Variants in CA10 observed in about 807,000 individuals in gnomAD.
CA10 encodes carbonic anhydrase 10 (inactive).
A neutral mutation model predicts 44.2 loss-of-function variants in CA10; 14 were observed. The ratio of observed to expected loss-of-function variants is 0.32; its 90% CI spans 0.21 to 0.50. The LOEUF (loss-of-function observed/expected upper bound fraction) is 0.50. Ranked by LOEUF, CA10 falls within the 20% of genes least tolerant of loss-of-function variation. The probability of loss-of-function intolerance (pLI) is 0.99; values close to 1 mark genes in which losing one functional copy is unlikely to be tolerated. For synonymous variants in CA10, 159 were observed against 141.6 expected, an observed-to-expected ratio of 1.12 and a Z score of -0.87; for missense variants, 350 against 409.7, an observed-to-expected ratio of 0.85 and a Z score of 1.26.
intron 3 of CA10, among the ~76,000 whole-genome samples, chr17:51,889,116 T>C (rs1266986925): frequency 2.6e-5 from 4 of 152,146 alleles, no homozygotes. Context: ...GTCCCACAAG[T>C]GGGCATTTCA....
intron 3 of CA10, among the ~76,000 whole-genome samples, chr17:51,821,030 TCCC>T (rs1907764987): frequency 6.9e-5 from 1 of 14,580 alleles, no homozygotes; most frequent in African/African-American, 1.7e-4. Context: ...AATTCCTCCC[TCCC>T]TCCCTCCCTC....
At chr17:52,085,400 G>A (rs545625931) in intron 1 of CA10, among the ~76,000 whole-genome samples, 4 of 152,268 alleles carry the variant, frequency 2.6e-5, no homozygotes, top group South Asian at 2.1e-4. Context: ...TCACTTTTGA[G>A]GGGTAGTGAA....
chr17:51,820,207 C>T (rs1278531460), intron 3 of CA10, among the ~76,000 whole-genome samples: 2 of 124,382 alleles, frequency 1.6e-5, no homozygotes. Context: ...CCAGGTAATA[C>T]CCCCTTCAAC....
chr17:51,856,141 G>T (rs1330309929), intron 3 of CA10, among the ~76,000 whole-genome samples: 1 of 152,156 alleles, frequency 6.6e-6, no homozygotes, highest in Non-Finnish European at 1.5e-5. Context: ...GGACAATCCT[G>T]TCTCTTTGCT....
chr17:51,755,060 CAA>C (rs1410768054), intron 3 of CA10, among the ~76,000 whole-genome samples: 2 of 152,044 alleles, frequency 1.3e-5, no homozygotes, highest in African/African-American at 4.8e-5. Flanking sequence ...GTCAGCTACA[CAA>C]AGACTGTTTT....
chr17:52,061,233 G>T (rs1469592893), intron 2 of CA10, among the ~76,000 whole-genome samples: 1 of 152,096 alleles, frequency 6.6e-6, no homozygotes, highest in African/African-American at 2.4e-5. Context: ...ATTCTGAAAA[G>T]TGGGAGGCAG....
chr17:51,926,189 G>A (rs1358582777), intron 3 of CA10, among the ~76,000 whole-genome samples: 1 of 152,124 alleles, frequency 6.6e-6, no homozygotes, highest in Non-Finnish European at 1.5e-5. Context: ...GATACTGAGA[G>A]TGGAGAGGAA....
rs899572569 is a variant in CA10, at chr17:51,630,943, A to C, written c.*641T>G. The C allele has an allele frequency of 6.5e-6, 1 of 153,112 alleles. No homozygotes were observed. The highest frequency in any genetic ancestry group is 2.4e-5 in the African/African-American group (1 of 41,464). 9.5% of individuals were successfully genotyped at this position (153,112 alleles called of 1,614,324 possible). A position where few individuals can be genotyped will look rare whatever the true frequency, so the allele number is the denominator to read the frequency against. ...TTCCTTATAGTCTGTGGTGATATAT[A>C]TACAATGTGTAGCTCTTCAATGTCT... On this transcript the variant is annotated 3_prime_UTR_variant, in exon 9 of 9. Transcript: ENST00000451037.
chr17:52,101,272 T>C (rs1345149880), intron 1 of CA10, among the ~76,000 whole-genome samples: 1 of 152,226 alleles, frequency 6.6e-6, no homozygotes, highest in South Asian at 2.1e-4. Flanking sequence ...CTTTTATTCA[T>C]GAGCATGTAC....
intron 3 of CA10, among the ~76,000 whole-genome samples, chr17:51,774,434 T>C (rs1163183783): frequency 6.9e-6 from 1 of 145,086 alleles, no homozygotes; most frequent in Non-Finnish European, 1.5e-5. Context: ...AAACCTTGCT[T>C]CATTTAAGGT....
intron 2 of CA10, among the ~76,000 whole-genome samples, chr17:52,068,073 G>C (rs1186388371): frequency 6.6e-6 from 1 of 152,196 alleles, no homozygotes; most frequent in East Asian, 1.9e-4. Context: ...GATTGGGAGG[G>C]ACCCAAAGTG....
chr17:51,931,987 C>G (rs1197214707), intron 2 of CA10, among the ~76,000 whole-genome samples: 1 of 152,114 alleles, frequency 6.6e-6, no homozygotes, highest in African/African-American at 2.4e-5. Flanking sequence ...GTACTTCCAT[C>G]GAGTCTCTGG....
chr17:51,824,078 T>C (rs1007566701), intron 3 of CA10, among the ~76,000 whole-genome samples: 1 of 128,216 alleles, frequency 7.8e-6, no homozygotes, highest in Admixed American at 7.3e-5. Context: ...ACAATAGAGA[T>C]GTTTTGTTTT....
chr17:51,635,251 G>A (rs1037192909), intron 7 of CA10, among the ~76,000 whole-genome samples: 3 of 152,010 alleles, frequency 2.0e-5, no homozygotes, highest in Non-Finnish European at 4.4e-5. Flanking sequence ...GGTGGCTCAC[G>A]CCTGTAATCC....
intron 2 of CA10, among the ~76,000 whole-genome samples, chr17:52,069,699 A>G (rs1295109052): frequency 7.9e-5 from 12 of 152,200 alleles, no homozygotes; most frequent in Admixed American, 7.9e-4. Context: ...CATAAATGCT[A>G]TTGAACTGAC....
chr17:52,069,075 C>T (rs1680467856), intron 2 of CA10, among the ~76,000 whole-genome samples: 1 of 152,166 alleles, frequency 6.6e-6, no homozygotes, highest in Admixed American at 6.5e-5. Flanking sequence ...GTCTTTTTCT[C>T]TTAAGGCCTT....
chr17:51,772,570 G>A (rs924419904), intron 3 of CA10, among the ~76,000 whole-genome samples: 3 of 152,086 alleles, frequency 2.0e-5, no homozygotes, highest in African/African-American at 7.2e-5. Flanking sequence ...GACAGACACA[G>A]AGACAGGCCA....
chr17:51,756,153 T>C (rs1905070845), intron 3 of CA10, among the ~76,000 whole-genome samples: 9 of 152,086 alleles, frequency 5.9e-5, no homozygotes, highest in Admixed American at 5.9e-4. Context: ...ATAAACACGC[T>C]GGGAGCTGAT....
chr17:52,091,846 G>A (rs1988275297), intron 1 of CA10, among the ~76,000 whole-genome samples: 1 of 152,110 alleles, frequency 6.6e-6, no homozygotes, highest in Admixed American at 6.5e-5. Context: ...TTCCTAAGAG[G>A]GCTGCACAAT....
Sources: gnomAD v4.1 joint callset for allele counts (sites outside exome capture counted in the v4.1 genomes callset) on GRCh38, gnomAD v4.1.1 for gene constraint, MANE v1.5 for transcripts, NCBI Gene and HGNC (gene_info 2026-07-23, HGNC 2026-07-21) for gene names.